The following THSD4 variants were observed in gnomAD, a reference collection of about 807,000 sequenced individuals.
The protein encoded by THSD4 is thrombospondin type 1 domain containing 4.
THSD4 carries 69 observed loss-of-function variants against 119.0 expected under a neutral mutation model. The observed-to-expected ratio is 0.58, with a 90% CI of 0.48 to 0.71. THSD4 has a LOEUF of 0.71. Among genes scored for constraint, THSD4 ranks in the 30% least tolerant of loss-of-function variants. The pLI, the probability that THSD4 is intolerant of heterozygous loss-of-function variation, is 0.00. For synonymous variants in THSD4, 524 were observed against 540.4 expected (o/e 0.97, Z 0.42); for missense variants, 1,393 against 1,391.1 (o/e 1.00, Z -0.02).
At chr15:71,753,509 T>C (rs2053485878) in intron 14 of THSD4, among the ~76,000 whole-genome samples, 1 of 152,206 alleles carries the variant, frequency 6.6e-6, no homozygotes, top group African/African-American at 2.4e-5. Flanking sequence ...AAGTTTAGGA[T>C]TTAACTGTTG....
chr15:71,105,170 T>A (rs142140324), intron 1 of THSD4, among the ~76,000 whole-genome samples: 1 of 152,300 alleles, frequency 6.6e-6, no homozygotes, highest in East Asian at 1.9e-4. Flanking sequence ...GTTTTCAGCC[T>A]CTACTTCAGA....
intron 3 of THSD4, among the ~76,000 whole-genome samples, chr15:71,209,141 CT>C (rs982401317): frequency 3.0e-4 from 45 of 152,322 alleles, no homozygotes; most frequent in Middle Eastern, 6.8e-3. Flanking sequence ...TGGGTTGGAC[CT>C]GTGTCTTACA....
intron 6 of THSD4, among the ~76,000 whole-genome samples, chr15:71,393,969 G>A (rs1390096697): frequency 1.3e-5 from 2 of 152,058 alleles, no homozygotes; most frequent in Non-Finnish European, 2.9e-5. Flanking sequence ...TTGTAGTTAA[G>A]AATATAATTG....
At chr15:71,165,106 G>T in intron 3 of THSD4, 1 of 1,611,456 alleles carries the variant, frequency 6.2e-7, no homozygotes. Context: ...CAGAGCAGAA[G>T]AGGAAGAAGG....
intron 7 of THSD4, among the ~76,000 whole-genome samples, chr15:71,517,786 G>T (rs2048381771): frequency 6.6e-6 from 1 of 152,116 alleles, no homozygotes; most frequent in Non-Finnish European, 1.5e-5. Flanking sequence ...TTCTCTTCAG[G>T]CCCATGGAAA....
intron 11 of THSD4, among the ~76,000 whole-genome samples, chr15:71,744,019 T>C (rs1460527380): frequency 6.6e-6 from 1 of 152,176 alleles, no homozygotes; most frequent in Non-Finnish European, 1.5e-5. Flanking sequence ...CAGTTATTTG[T>C]GAAGAAGCAT....
chr15:71,571,093 G>A (rs927216505), intron 7 of THSD4, among the ~76,000 whole-genome samples: 7 of 152,154 alleles, frequency 4.6e-5, no homozygotes, highest in Admixed American at 3.3e-4. Context: ...CATTTCCACC[G>A]TGTCGGCGGA....
chr15:71,354,344 C>G (rs2045781663), intron 6 of THSD4, among the ~76,000 whole-genome samples: 2 of 152,104 alleles, frequency 1.3e-5, no homozygotes, highest in African/African-American at 2.4e-5. Context: ...GGCCAGGGAG[C>G]TCCGAGGAAA....
intron 7 of THSD4, among the ~76,000 whole-genome samples, chr15:71,443,725 A>T (rs960192480): frequency 6.6e-6 from 1 of 152,212 alleles, no homozygotes; most frequent in Non-Finnish European, 1.5e-5. Flanking sequence ...TAAAAGGTGC[A>T]TGTTCAAAGC....
chr15:71,758,326 T>C (rs2053578951), intron 15 of THSD4, among the ~76,000 whole-genome samples: 1 of 152,226 alleles, frequency 6.6e-6, no homozygotes, highest in Non-Finnish European at 1.5e-5. Context: ...ATCTCTGCCC[T>C]CAGGGGGCTT....
chr15:71,738,329 C>T (rs1057362136), intron 11 of THSD4: 8 of 264,120 alleles, frequency 3.0e-5, no homozygotes, highest in South Asian at 6.0e-5. Flanking sequence ...TCCTGCTGTG[C>T]GACCTGGTTC....
At chr15:71,512,624 T>C (rs1487231164) in intron 7 of THSD4, among the ~76,000 whole-genome samples, 5 of 152,224 alleles carry the variant, frequency 3.3e-5, no homozygotes, top group South Asian at 2.1e-4. Flanking sequence ...CTGGTAAATA[T>C]TGATTTATCT....
intron 6 of THSD4, among the ~76,000 whole-genome samples, chr15:71,397,258 CCTT>C (rs1359895570): frequency 1.4e-4 from 22 of 152,170 alleles, no homozygotes; most frequent in Non-Finnish European, 2.2e-4. Context: ...ATAATAAACT[CCTT>C]CTCCTCTTTC....
chr15:71,663,655 A>G (rs1241838868), intron 8 of THSD4, among the ~76,000 whole-genome samples: 2 of 152,230 alleles, frequency 1.3e-5, no homozygotes, highest in Non-Finnish European at 2.9e-5. Flanking sequence ...GTAAATATAC[A>G]TGAGATTGCT....
chr15:71,501,353 A>G (rs1418416820), intron 7 of THSD4, among the ~76,000 whole-genome samples: 1 of 152,258 alleles, frequency 6.6e-6, no homozygotes, highest in Non-Finnish European at 1.5e-5. Flanking sequence ...ATTGAGACTC[A>G]CATTTAATAA....
chr15:71,747,899 C>A (rs547587548), intron 13 of THSD4, among the ~76,000 whole-genome samples: 1 of 152,198 alleles, frequency 6.6e-6, no homozygotes, highest in Non-Finnish European at 1.5e-5. Flanking sequence ...TCTTCCCAGG[C>A]AACTTAGAAC....
intron 7 of THSD4, among the ~76,000 whole-genome samples, chr15:71,583,458 G>GT (rs34135577): frequency 0.33 from 49,110 of 146,920 alleles, 8,572 homozygotes; most frequent in Non-Finnish European, 0.39. Context: ...TTTGGGCTTT[G>GT]TTTTTTTTTT....
chr15:71,492,770 T>C (rs1022640600), intron 7 of THSD4, among the ~76,000 whole-genome samples: 1 of 152,168 alleles, frequency 6.6e-6, no homozygotes, highest in Non-Finnish European at 1.5e-5. Flanking sequence ...CTCCCTATTG[T>C]TTCTAAAGAA....
At chr15:71,448,956 G>A (rs1230220843) in intron 7 of THSD4, among the ~76,000 whole-genome samples, 1 of 152,206 alleles carries the variant, frequency 6.6e-6, no homozygotes, top group Non-Finnish European at 1.5e-5. Flanking sequence ...GGGACTGGCT[G>A]TAAACACATT....
Sources: allele counts gnomAD v4.1 joint callset (sites outside exome capture counted in the v4.1 genomes callset), GRCh38; gene constraint gnomAD v4.1.1; transcripts MANE v1.5; gene names NCBI Gene and HGNC (gene_info 2026-07-23, HGNC 2026-07-21).